Variants in SLC8A1 observed in about 807,000 individuals in gnomAD.
SLC8A1 encodes the protein sodium/calcium exchanger 1.
A neutral mutation model predicts 68.3 loss-of-function variants in SLC8A1; 18 were observed. That is an observed-to-expected ratio of 0.26 (90% CI 0.18 to 0.39). The LOEUF is 0.39. SLC8A1 is among the 10% of genes least tolerant of loss of function. SLC8A1 has a pLI of 1.00. For synonymous variants in SLC8A1, 475 were observed against 415.5 expected (o/e 1.14, Z -1.74); for missense variants, 985 against 1,156.7 (o/e 0.85, Z 2.15).
rs534739904 is a variant in SLC8A1 at position 40,256,515 on chromosome 2, C to T, written c.1809-78660G>A. Among the ~76,000 whole-genome samples, 4 of 152,302 alleles carry T rather than the reference C, an allele frequency of 2.6e-5. No homozygotes were observed. In the South Asian group the frequency reaches 6.2e-4, roughly 24 times the overall value. On this transcript the variant is annotated intron_variant, in intron 2 of 7. Transcript: ENST00000406785. ...CATAATGGGAGTGATTCTATCTTTA[C>T]GTCTAAAGTGTTCTACTGGACGCAT...
intron 2 of SLC8A1, among the ~76,000 whole-genome samples, chr2:40,189,538 C>T (rs1443498269): frequency 6.6e-6 from 1 of 152,052 alleles, no homozygotes; most frequent in Non-Finnish European, 1.5e-5. Context: ...CCAGGCTGGT[C>T]TCGAACTCAG....
At chr2:40,176,230 A>C (rs1397154263) in intron 3 of SLC8A1, among the ~76,000 whole-genome samples, 2 of 152,156 alleles carry the variant, frequency 1.3e-5, no homozygotes, top group East Asian at 3.8e-4. Flanking sequence ...TTTCTAAAAA[A>C]AGTCAGTAAT....
At position 40,135,370 on chromosome 2, in the gene SLC8A1, G is replaced by C. The variant is rs116476014; in HGVS notation, c.2437+4031C>G. Among the ~76,000 whole-genome samples the C allele has an allele frequency of 2.8e-3, 432 of 152,044 alleles. 3 individuals carry two copies. Among genetic ancestry groups the C allele is most frequent in the African/African-American group, 0.01 (416 of 41,474 alleles). ...GGACAGCTGTGTAGACTAGGATGGTGGTGGTGGAGAGATAGCTAGATGGGC... is the reference window on the plus strand; with the variant it reads ...GGACAGCTGTGTAGACTAGGATGGTCGTGGTGGAGAGATAGCTAGATGGGC... On this transcript the variant is annotated intron_variant, in intron 7 of 7. Coordinates refer to ENST00000406785, the Ensembl canonical transcript of SLC8A1.
At chr2:40,112,194 T>G (rs566242067) in exon 8 of SLC8A1, 1 of 152,644 alleles carries the variant, frequency 6.6e-6, no homozygotes, top group Non-Finnish European at 1.5e-5. Flanking sequence ...AAAAATGAAG[T>G]AGATGACAAT....
intron 2 of SLC8A1, among the ~76,000 whole-genome samples, chr2:40,290,400 T>G (rs2069091681): frequency 6.6e-6 from 1 of 152,180 alleles, no homozygotes; most frequent in Non-Finnish European, 1.5e-5. Flanking sequence ...AACTTCATTT[T>G]CTTTGCACAA....
intron 2 of SLC8A1, among the ~76,000 whole-genome samples, chr2:40,331,435 T>C (rs2149375045): frequency 6.6e-6 from 1 of 152,248 alleles, no homozygotes; most frequent in South Asian, 2.1e-4. Flanking sequence ...TTAATGTATA[T>C]GCAACCCTAC....
intron 2 of SLC8A1, among the ~76,000 whole-genome samples, chr2:40,336,521 C>CG (rs1463258034): frequency 6.6e-6 from 1 of 152,092 alleles, no homozygotes; most frequent in African/African-American, 2.4e-5. Flanking sequence ...TCTTATTTAA[C>CG]CATAAGGCTC....
exon 8 of SLC8A1, chr2:40,114,765 G>C (rs1322969354): frequency 2.0e-5 from 3 of 152,134 alleles, no homozygotes; most frequent in African/African-American, 7.3e-5. Flanking sequence ...TCCAAAATAA[G>C]TTTTAAAGTG....
chr2:40,469,221 C>T (rs1475762270), intron 1 of SLC8A1, among the ~76,000 whole-genome samples: 1 of 152,016 alleles, frequency 6.6e-6, no homozygotes, highest in Non-Finnish European at 1.5e-5. Flanking sequence ...TGTCCCTAGC[C>T]GAATTTCATA....
At chr2:40,262,179 T>G (rs2064801078) in intron 2 of SLC8A1, among the ~76,000 whole-genome samples, 1 of 152,166 alleles carries the variant, frequency 6.6e-6, no homozygotes. Context: ...GCCAGGATGG[T>G]CTCGATCTCC....
chr2:40,426,777 AC>A (rs1696968144), intron 2 of SLC8A1, among the ~76,000 whole-genome samples: 1 of 152,088 alleles, frequency 6.6e-6, no homozygotes, highest in Non-Finnish European at 1.5e-5. Flanking sequence ...CACGCAGTAC[AC>A]TTTTAGATGG....
At chr2:40,482,613 C>A (rs1029923774) in intron 1 of SLC8A1, among the ~76,000 whole-genome samples, 3 of 151,954 alleles carry the variant, frequency 2.0e-5, no homozygotes, top group African/African-American at 7.3e-5. Context: ...AAGCAACTTG[C>A]CTGTGGTCAC....
chr2:40,412,301 C>A (rs1474865528), intron 2 of SLC8A1, among the ~76,000 whole-genome samples: 1 of 152,076 alleles, frequency 6.6e-6, no homozygotes, highest in East Asian at 1.9e-4. Context: ...TAGCTTACCT[C>A]ACATATAACT....
At chr2:40,324,912 C>A (rs2075638365) in intron 2 of SLC8A1, among the ~76,000 whole-genome samples, 1 of 152,156 alleles carries the variant, frequency 6.6e-6, no homozygotes. Context: ...TGCAGTGCAA[C>A]AACCAAATGA....
chr2:40,238,357 G>T (rs2060720081), intron 2 of SLC8A1, among the ~76,000 whole-genome samples: 1 of 152,204 alleles, frequency 6.6e-6, no homozygotes. Flanking sequence ...GGGTGGGAGT[G>T]ACCCGATTTT....
intron 2 of SLC8A1, among the ~76,000 whole-genome samples, chr2:40,418,675 C>T (rs145729239): frequency 4.6e-5 from 7 of 152,248 alleles, no homozygotes; most frequent in African/African-American, 9.6e-5. Flanking sequence ...CATTAAGAAG[C>T]GAAGTAGAAG....
chr2:40,419,726 G>A (rs964615340), intron 2 of SLC8A1, among the ~76,000 whole-genome samples: 2 of 152,006 alleles, frequency 1.3e-5, no homozygotes, highest in Non-Finnish European at 2.9e-5. Context: ...TTCTTTAATT[G>A]CGCCCTAAGA....
intron 2 of SLC8A1, among the ~76,000 whole-genome samples, chr2:40,301,659 A>G (rs112587528): frequency 0.05 from 7,572 of 152,198 alleles, 655 homozygotes; most frequent in African/African-American, 0.17. Context: ...GCTTACGCCT[A>G]TAATCCCAGC....
chr2:40,426,964 T>G (rs1342697737), intron 2 of SLC8A1, among the ~76,000 whole-genome samples: 1 of 152,022 alleles, frequency 6.6e-6, no homozygotes, highest in Non-Finnish European at 1.5e-5. Flanking sequence ...AAATTCTTTC[T>G]TGGATATGAA....
Sources: allele counts gnomAD v4.1 joint callset (sites outside exome capture counted in the v4.1 genomes callset), GRCh38; gene constraint gnomAD v4.1.1; transcripts MANE v1.5; gene names NCBI Gene and HGNC (gene_info 2026-07-23, HGNC 2026-07-21).